The following ALDH16A1 variants were observed in gnomAD, a reference collection of about 807,000 sequenced individuals.
ALDH16A1 encodes the protein aldehyde dehydrogenase family 16 member A1.
In ALDH16A1, 88 loss-of-function variants were observed where a neutral mutation model predicts 96.1. The observed-to-expected ratio is 0.92, with a 90% CI of 0.77 to 1.09. ALDH16A1 has a LOEUF of 1.09. Ranked by LOEUF, ALDH16A1 falls within the 50% of genes least tolerant of loss-of-function variation. The probability of loss-of-function intolerance (pLI) is 0.00; values close to 1 mark genes in which losing one functional copy is unlikely to be tolerated. For missense variants in ALDH16A1, 1,250 were observed against 1,112.6 expected (o/e 1.12, Z -1.76); for synonymous variants, 522 against 496.4 (o/e 1.05, Z -0.69).
chr19:49,470,323 G>A lies in ALDH16A1; in HGVS notation c.2265G>A (p.Glu755=), dbSNP rs759926112. 4 of 1,613,486 alleles carry A rather than the reference G, an allele frequency of 2.5e-6. No individual in the cohort carries two copies. In the Admixed American group the frequency reaches 6.7e-5, roughly 27 times the overall value. ...FGSAQGSQFV[E]WASAGNLKPV... Reference sequence around the variant, plus strand: ...CCCCTCAGGGTTCCCAGTTTGTCGAGTGGGCCTCGGCAGGAAACCTCAAAC... The same window carrying A: ...CCCCTCAGGGTTCCCAGTTTGTCGAATGGGCCTCGGCAGGAAACCTCAAAC... The change falls in exon 17 of 17, where the codon GAG becomes GAA. Residue 755 remains glutamate, a synonymous_variant. Transcript: ENST00000293350.
chr19:49,462,617 G>A lies in ALDH16A1; in HGVS notation c.960G>A (p.Met320Ile). The A allele has an allele frequency of 6.2e-7, 1 of 1,613,146 alleles. No homozygotes were observed. Among genetic ancestry groups the A allele is most frequent in the Admixed American group, 1.7e-5 (1 of 60,014 alleles). ...AGGAGTCTGTGTGGGATGAAGCCATGAGACGGCTGCAGGAGCGGATGGGGC... is the reference window on the plus strand; with the variant it reads ...AGGAGTCTGTGTGGGATGAAGCCATAAGACGGCTGCAGGAGCGGATGGGGC... Reference protein sequence around the residue: ...LIQESVWDEAMRRLQERMGRL... With the variant: ...LIQESVWDEAIRRLQERMGRL... Residue 320 changes from methionine to isoleucine, a missense_variant, in exon 8 of 17, where the codon ATG (methionine) becomes ATA (isoleucine). Physicochemically the swap from Met to Ile is conservative, Grantham distance 10. Coordinates refer to ENST00000293350, the MANE Select transcript of ALDH16A1 (RefSeq NM_153329.4).
rs2079080946 is a variant in ALDH16A1 at position 49,453,231 on chromosome 19, G to A, written c.-101G>A. 1.9e-6 allele frequency: 2 copies of A among 1,054,650 alleles called. No individual in the cohort carries two copies. The highest frequency in any genetic ancestry group is 1.6e-5 in the African/African-American group (1 of 63,770). The allele number at this position is 1,054,650 out of a possible 1,614,324, so 65.3% of individuals were successfully genotyped here. ...GCCCCACCCCATTCCCATTAGCCCC[G>A]CCCCTTTGGGCTGGAACCGGAGGTG... On this transcript the variant is annotated 5_prime_UTR_variant, in exon 1 of 17. Transcript: ENST00000293350.
In ALDH16A1 at chr19:49,468,632, A is replaced by T; in HGVS notation, c.2124+66A>T. 6.4e-7 allele frequency: 1 copy of T among 1,560,176 alleles called. No individual in the cohort carries two copies. Among genetic ancestry groups the T allele is most frequent in the Non-Finnish European group, 8.7e-7 (1 of 1,155,486 alleles). On this transcript the variant is annotated intron_variant, in intron 15 of 16. Coordinates refer to ENST00000293350, the MANE Select transcript of ALDH16A1 (RefSeq NM_153329.4). This position sits in a 1 kb window ranked among gnomAD's most constrained non-coding sequence, Gnocchi z 4.4. ...CAGGGCAGCAGAAAAAGGCGCCCCAAAGTCGGCAGGAGCTTGTCTCTTACC... is the reference window on the plus strand; with the variant it reads ...CAGGGCAGCAGAAAAAGGCGCCCCATAGTCGGCAGGAGCTTGTCTCTTACC...
chr19:49,468,675 C>G lies in ALDH16A1; in HGVS notation c.2124+109C>G. 2 of 1,430,194 alleles carry G rather than the reference C, an allele frequency of 1.4e-6. No individual in the cohort carries two copies. The highest frequency in any genetic ancestry group is 1.9e-6 in the Non-Finnish European group (2 of 1,057,034). The allele number at this position is 1,430,194 out of a possible 1,614,324, so 88.6% of individuals were successfully genotyped here. Reference sequence around the variant, plus strand: ...CTCTTACCCCACCCTCCGTGGTACCCATGCTGCCCCCAGCCCCAGCACCCA... The same window carrying G: ...CTCTTACCCCACCCTCCGTGGTACCGATGCTGCCCCCAGCCCCAGCACCCA... On this transcript the variant is annotated intron_variant, in intron 15 of 16. Coordinates refer to ENST00000293350, the MANE Select transcript of ALDH16A1 (RefSeq NM_153329.4). The surrounding 1 kb of genome is among the most constrained non-coding windows in gnomAD (Gnocchi z 4.4).
At position 49,459,139 on chromosome 19, in the gene ALDH16A1, C is replaced by T. The variant is rs529945288; in HGVS notation, c.320+53C>T. 7.0e-6 allele frequency: 11 copies of T among 1,577,194 alleles called. 1 individual carries two copies. In the East Asian group the frequency reaches 1.1e-4, roughly 16 times the overall value. On this transcript the variant is annotated intron_variant, in intron 3 of 16. Transcript: ENST00000293350. The surrounding 1 kb of genome is among the most constrained non-coding windows in gnomAD (Gnocchi z 4.1). ...GAGGCGGGGAACCCCAGCATCCACT[C>T]GAGACCATGGGAACAAAGGCTATTT...
At position 49,465,924 on chromosome 19, in the gene ALDH16A1, A is replaced by G. The variant is rs374357071; in HGVS notation, c.1736+19A>G. 8 of 1,610,938 alleles carry G rather than the reference A, an allele frequency of 5.0e-6. No homozygotes were observed. The African/African-American group carries it at 1.1e-4, about 22-fold the overall frequency. On this transcript the variant is annotated intron_variant, in intron 13 of 16. Coordinates refer to ENST00000293350, the MANE Select transcript of ALDH16A1 (RefSeq NM_153329.4). ...TCCCTGGGTAAGGGGTCACACGGGA[A>G]AGCCCAAGGGTCATGGTGTGGCAGA...
chr19:49,468,174 A>AAAT lies in ALDH16A1; in HGVS notation c.1939-207_1939-206insAAT. On this transcript the variant is annotated intron_variant, in intron 14 of 16. Coordinates refer to ENST00000293350, the MANE Select transcript of ALDH16A1 (RefSeq NM_153329.4). The surrounding 1 kb of genome is among the most constrained non-coding windows in gnomAD (Gnocchi z 4.4). ...GAGTCCGTCTCAAAAAAAAAAAAAA[A>AAAT]GAAAGGCGGTTATGCAGGATGTTTC... The AAAT allele has an allele frequency of 1.9e-6, 1 of 536,874 alleles. No homozygotes were observed. The allele number at this position is 536,874 out of a possible 1,614,324, so 33.3% of individuals were successfully genotyped here.
In ALDH16A1 at chr19:49,461,866, A is replaced by C. The variant is rs745725034; in HGVS notation, c.760-18A>C. 1 of 1,593,272 alleles carries C rather than the reference A, an allele frequency of 6.3e-7. No individual in the cohort carries two copies. Among genetic ancestry groups the C allele is most frequent in the African/African-American group, 1.4e-5 (1 of 74,060 alleles). ...GCCGCAAGGCTCCTCCTGCGGCTGA[A>C]CTGGGGGGGGTCCCTAGGAAGGGCG... On this transcript the variant is annotated intron_variant, in intron 6 of 16. Transcript: ENST00000293350.
chr19:49,453,363 G>T lies in ALDH16A1; in HGVS notation c.32G>T (p.Arg11Leu). The T allele has an allele frequency of 6.5e-7, 1 of 1,541,420 alleles. No homozygotes were observed. The change falls in exon 1 of 17, where the codon CGC becomes CTC. Residue 11 changes from arginine (R) to leucine (L), a missense_variant. By Grantham distance (102) the Arg-to-Leu change is moderately radical. Transcript: ENST00000293350. The stretch of plus-strand genomic sequence containing the variant: ...GCGACGCGTGCAGGGCCCCGCGCCC[G>T]CGAGATCTTCACCTCGCTGGAGTAC... MAATRAGPRA[R>L]EIFTSLEYGP... is the part of the protein sequence containing the mutation.
At chr19:49,467,544 A>G (rs1272748118) in intron 14 of ALDH16A1, among the ~76,000 whole-genome samples, 6 of 150,230 alleles carry the variant, frequency 4.0e-5, no homozygotes, top group Non-Finnish European at 5.9e-5. Flanking sequence ...ACAGGTGCCC[A>G]CCACCACACC....
chr19:49,461,791 A>T lies in ALDH16A1; in HGVS notation c.750A>T (p.Gly250=). 1 of 1,610,504 alleles carries T rather than the reference A, an allele frequency of 6.2e-7. No homozygotes were observed. The highest frequency in any genetic ancestry group is 8.5e-7 in the Non-Finnish European group (1 of 1,178,604). The stretch of plus-strand genomic sequence containing the variant: ...GAATCCGGAAGGTGGCCTTCTGCGG[A>T]GCCCCGGAGGTACCTTCGGGACAGG... ...QPGIRKVAFC[G]APEEGRALRR... The change falls in exon 6 of 17, where the codon GGA becomes GGT. Residue 250 remains glycine, a synonymous_variant. Coordinates refer to ENST00000293350, the MANE Select transcript of ALDH16A1 (RefSeq NM_153329.4).
intron 1 of ALDH16A1, among the ~76,000 whole-genome samples, chr19:49,456,438 A>C (rs77883972): frequency 0.044 from 6,657 of 152,200 alleles, 517 homozygotes; most frequent in African/African-American, 0.15. Context: ...CCAGGCTAGC[A>C]TTCAGTAGCG....
In ALDH16A1 at chr19:49,462,768, G is replaced by T. The variant is rs368157008; in HGVS notation, c.1098+13G>T. ...CCAGGGTGCACAGGTGAGGCAGGGG[G>T]TAGAGACTTGAGGGTGTCAGGGGAG... is the stretch of plus-strand genomic sequence containing the variant. On this transcript the variant is annotated intron_variant, in intron 8 of 16. Coordinates refer to ENST00000293350, the MANE Select transcript of ALDH16A1 (RefSeq NM_153329.4). The T allele has an allele frequency of 3.9e-6, 6 of 1,554,172 alleles. No individual in the cohort carries two copies. In the East Asian group the frequency reaches 9.4e-5, roughly 24 times the overall value.
chr19:49,462,696 G>C lies in ALDH16A1; in HGVS notation c.1039G>C (p.Ala347Pro). The change falls in exon 8 of 17, where the codon GCT becomes CCT. Residue 347 changes from alanine (A) to proline (P), a missense_variant. Transcript: ENST00000293350. The stretch of plus-strand genomic sequence containing the variant: ...GGCCGTGGACATGGGGGCCCGGGGG[G>C]CTGCCGCATGTGACCTGGTCCAGCG... ...DGAVDMGARGAAACDLVQRFV... is the reference protein window; with the variant it reads ...DGAVDMGARGPAACDLVQRFV... 3.7e-6 allele frequency: 6 copies of C among 1,607,930 alleles called. No individual in the cohort carries two copies. The highest frequency in any genetic ancestry group is 1.7e-5 in the Admixed American group (1 of 58,784).
intron 5 of ALDH16A1, 114 bp downstream of exon 5, chr19:49,461,013 G>C (rs1424065406): frequency 5.3e-6 from 6 of 1,127,952 alleles, no homozygotes; most frequent in Non-Finnish European, 8.0e-6. Flanking sequence ...CTCTGTGGAA[G>C]GAGTCTGTGG....
chr19:49,457,375 A>G (rs1044483364), intron 1 of ALDH16A1, among the ~76,000 whole-genome samples: 14 of 151,416 alleles, frequency 9.2e-5, no homozygotes, highest in Admixed American at 3.3e-4. Flanking sequence ...GTGAAACCCC[A>G]TCTCTACTAA....
chr19:49,454,453 G>T (rs1341709769), intron 1 of ALDH16A1, among the ~76,000 whole-genome samples: 2 of 151,986 alleles, frequency 1.3e-5, no homozygotes, highest in Non-Finnish European at 2.9e-5. Flanking sequence ...TCCTCGTGAG[G>T]GTCCCATGAT....
At chr19:49,462,073 A>G in intron 7 of ALDH16A1, 37 bp downstream of exon 7, 1 of 1,506,096 alleles carries the variant, frequency 6.6e-7, no homozygotes, top group Non-Finnish European at 8.8e-7. Flanking sequence ...CATACCCTGG[A>G]GGCCGTTGGT....
At position 49,468,242 on chromosome 19, in the gene ALDH16A1, T is replaced by C; in HGVS notation, c.1939-139T>C. The C allele has an allele frequency of 1.3e-6, 1 of 795,184 alleles. No individual in the cohort carries two copies. The allele number at this position is 795,184 out of a possible 1,614,324, so 49.3% of individuals were successfully genotyped here. A position where few individuals can be genotyped will look rare whatever the true frequency, so the allele number is the denominator to read the frequency against. On this transcript the variant is annotated intron_variant, in intron 14 of 16. Coordinates refer to ENST00000293350, the MANE Select transcript of ALDH16A1 (RefSeq NM_153329.4). The surrounding 1 kb of genome is among the most constrained non-coding windows in gnomAD (Gnocchi z 4.4). The stretch of plus-strand genomic sequence containing the variant: ...GTGGAATGATTCACTTTGACCAGCG[T>C]CTGCGAAATGGCAGGGGCTTCCACA...
Sources: gnomAD v4.1 joint callset for allele counts (sites outside exome capture counted in the v4.1 genomes callset) on GRCh38, gnomAD v4.1.1 for gene constraint, Gnocchi (gnomAD v3.1) non-coding constraint, MANE v1.5 for transcripts, NCBI Gene and HGNC (gene_info 2026-07-23, HGNC 2026-07-21) for gene names.